Variants in PHACTR4 observed in about 807,000 individuals in gnomAD.
PHACTR4 encodes the protein phosphatase and actin regulator 4, also known as protein phosphatase 1, regulatory subunit 124.
PHACTR4 carries 51 observed loss-of-function variants against 72.7 expected under a neutral mutation model. The ratio of observed to expected loss-of-function variants is 0.70; its 90% CI spans 0.56 to 0.89. The LOEUF (loss-of-function observed/expected upper bound fraction) is 0.89, where lower values mean the gene tolerates loss of function less well. Among genes scored for constraint, PHACTR4 ranks in the 40% least tolerant of loss-of-function variants. The probability of loss-of-function intolerance (pLI) is 0.00; values close to 1 mark genes in which losing one functional copy is unlikely to be tolerated. For synonymous variants in PHACTR4, 255 were observed against 302.5 expected (o/e 0.84, Z 1.63); for missense variants, 731 against 861.8 (o/e 0.85, Z 1.90).
At chr1:28,413,823 T>C (rs960520439) in intron 2 of PHACTR4, among the ~76,000 whole-genome samples, 1 of 152,164 alleles carries the variant, frequency 6.6e-6, no homozygotes, top group African/African-American at 2.4e-5. Context: ...TGGTTAAAAG[T>C]GAGGGACTAA....
At chr1:28,416,586 G>T (rs909938065) in intron 2 of PHACTR4, among the ~76,000 whole-genome samples, 1 of 152,218 alleles carries the variant, frequency 6.6e-6, no homozygotes, top group Non-Finnish European at 1.5e-5. Context: ...ACTATTGCCT[G>T]TGTCCTCTCA....
At chr1:28,412,117 G>T (rs1239730816) in intron 2 of PHACTR4, among the ~76,000 whole-genome samples, 1 of 152,114 alleles carries the variant, frequency 6.6e-6, no homozygotes, top group African/African-American at 2.4e-5. Context: ...AATGTTAAAT[G>T]TTGGGAAGCT....
intron 9 of PHACTR4, among the ~76,000 whole-genome samples, chr1:28,488,189 C>G (rs1019212450): frequency 1.3e-5 from 2 of 151,944 alleles, no homozygotes; most frequent in African/African-American, 4.8e-5. Context: ...GTTCCTAAAC[C>G]ACTGATTTAA....
At chr1:28,397,158 T>C (rs1304573940) in intron 1 of PHACTR4, among the ~76,000 whole-genome samples, 1 of 152,120 alleles carries the variant, frequency 6.6e-6, no homozygotes, top group Non-Finnish European at 1.5e-5. Flanking sequence ...TTTTTTGTTT[T>C]AGAACTGAAA....
intron 1 of PHACTR4, among the ~76,000 whole-genome samples, chr1:28,399,570 G>T (rs536817931): frequency 6.6e-6 from 1 of 152,020 alleles, no homozygotes; most frequent in East Asian, 1.9e-4. Context: ...AGTACTGTTT[G>T]GTGCTAGTGT....
rs527720047 is a variant in PHACTR4 at position 28,426,347 on chromosome 1, A to G, written c.16+18884A>G. On this transcript the variant is annotated intron_variant, in intron 2 of 13. Transcript: ENST00000373839. ...GTAGTTGGTACTATGAAAAACAGATAACACATGCTGATGAAACGTGGAATT... is the reference window on the plus strand; with the variant it reads ...GTAGTTGGTACTATGAAAAACAGATGACACATGCTGATGAAACGTGGAATT... Among the ~76,000 whole-genome samples the G allele has an allele frequency of 8.5e-5, 13 of 152,080 alleles. No homozygotes were observed. The South Asian group carries it at 2.5e-3, about 29-fold the overall frequency.
intron 1 of PHACTR4, among the ~76,000 whole-genome samples, chr1:28,404,426 G>A (rs1480754564): frequency 6.6e-6 from 1 of 151,832 alleles, no homozygotes. Flanking sequence ...GGGACTACAG[G>A]CACCTGCCAC....
chr1:28,385,778 G>T (rs1179837060), intron 1 of PHACTR4, among the ~76,000 whole-genome samples: 1 of 151,600 alleles, frequency 6.6e-6, no homozygotes, highest in East Asian at 2.0e-4. Context: ...ACCACGCCCA[G>T]CTAATTTTGT....
At chr1:28,414,041 CATTTTT>C (rs1206939053) in intron 2 of PHACTR4, among the ~76,000 whole-genome samples, 6 of 152,090 alleles carry the variant, frequency 3.9e-5, no homozygotes, top group African/African-American at 1.4e-4. Context: ...AATTCTCTTC[CATTTTT>C]AATTTTACTT....
rs543390312 is a variant in PHACTR4, at chr1:28,496,622, C to A, written c.*73C>A. 169 of 1,548,114 alleles carry A rather than the reference C, an allele frequency of 1.1e-4. 2 individuals carry two copies. In the South Asian group the frequency reaches 1.8e-3, roughly 17 times the overall value. On this transcript the variant is annotated 3_prime_UTR_variant, in exon 14 of 14. Coordinates refer to ENST00000373839, the MANE Select transcript of PHACTR4 (RefSeq NM_001048183.3). ...TCTCCAAAGTGACATATGGAGGGAA[C>A]TTTAGCACTTCCCAGCACAGCCAGA...
At chr1:28,445,691 G>C (rs1188059043) in intron 2 of PHACTR4, among the ~76,000 whole-genome samples, 1 of 152,036 alleles carries the variant, frequency 6.6e-6, no homozygotes, top group Non-Finnish European at 1.5e-5. Flanking sequence ...GCAGTTTTGG[G>C]GAACGTGATT....
intron 13 of PHACTR4, among the ~76,000 whole-genome samples, chr1:28,493,656 A>G (rs1440940765): frequency 1.3e-5 from 2 of 152,202 alleles, no homozygotes; most frequent in Non-Finnish European, 2.9e-5. Flanking sequence ...CACTGAGGAA[A>G]TGGAGGCTCA....
chr1:28,413,254 C>T (rs564407587), intron 2 of PHACTR4, among the ~76,000 whole-genome samples: 1 of 152,280 alleles, frequency 6.6e-6, no homozygotes, highest in South Asian at 2.1e-4. Flanking sequence ...CACCTGGGTA[C>T]TGTGTTCTTA....
intron 2 of PHACTR4, chr1:28,432,947 T>C (rs1343549284): frequency 1.2e-5 from 3 of 244,132 alleles, no homozygotes; most frequent in Admixed American, 6.6e-5. Context: ...GGTTTTACCA[T>C]GTTACCCAGG....
intron 2 of PHACTR4, among the ~76,000 whole-genome samples, chr1:28,419,270 G>A (rs1460287434): frequency 2.0e-5 from 3 of 151,496 alleles, no homozygotes; most frequent in Non-Finnish European, 4.4e-5. Flanking sequence ...AGGCGTGAGC[G>A]ACCGTGGCTG....
chr1:28,469,687 A>G (rs1659438253), intron 6 of PHACTR4, among the ~76,000 whole-genome samples: 1 of 152,166 alleles, frequency 6.6e-6, no homozygotes. Flanking sequence ...TATCTCTTTC[A>G]CTGCTCCTAA....
At chr1:28,487,141 C>T (rs1660703960) in intron 9 of PHACTR4, among the ~76,000 whole-genome samples, 1 of 151,948 alleles carries the variant, frequency 6.6e-6, no homozygotes, top group Non-Finnish European at 1.5e-5. Context: ...CCGAGGCAGG[C>T]GGATCACAAG....
At chr1:28,373,227 G>A (rs1009536966) in intron 1 of PHACTR4, among the ~76,000 whole-genome samples, 1 of 152,082 alleles carries the variant, frequency 6.6e-6, no homozygotes, top group Non-Finnish European at 1.5e-5. Flanking sequence ...CGAGAGTGCT[G>A]GGATTATAGG....
At chr1:28,447,060 G>A (rs917287524) in intron 2 of PHACTR4, among the ~76,000 whole-genome samples, 2 of 150,116 alleles carry the variant, frequency 1.3e-5, no homozygotes, top group Non-Finnish European at 1.5e-5. Context: ...GCCCAGGCTG[G>A]AGTCCAGTGG....
Sources: gnomAD v4.1 joint callset for allele counts (sites outside exome capture counted in the v4.1 genomes callset) on GRCh38, gnomAD v4.1.1 for gene constraint, MANE v1.5 for transcripts, NCBI Gene and HGNC (gene_info 2026-07-23, HGNC 2026-07-21) for gene names.